GABRA4: variants seen among roughly 807,000 people sequenced by gnomAD.
GABRA4 encodes gamma-aminobutyric acid type A receptor subunit alpha4.
Under a neutral mutation model 49.7 loss-of-function variants are expected in GABRA4, and 12 were observed. That is an observed-to-expected ratio of 0.24 (90% CI 0.15 to 0.39). The LOEUF (loss-of-function observed/expected upper bound fraction) is 0.39, where lower values mean the gene tolerates loss of function less well. Among genes scored for constraint, GABRA4 ranks in the 10% least tolerant of loss-of-function variants. The pLI, the probability that GABRA4 is intolerant of heterozygous loss-of-function variation, is 1.00. For missense variants in GABRA4, 506 were observed against 686.0 expected (o/e 0.74, Z 2.93); for synonymous variants, 288 against 240.2 (o/e 1.20, Z -1.84).
At position 46,993,551 on chromosome 4, in the gene GABRA4, G is replaced by A; in HGVS notation, c.-127C>T. ...CACACTCGCGCTCACACTCGCCCGC[G>A]CTCAGCCAGCCCGAGCCGCGGTGGG... On this transcript the variant is annotated 5_prime_UTR_variant, in exon 1 of 9. Transcript: ENST00000264318. 1.0e-6 allele frequency: 1 copy of A among 992,756 alleles called. No individual in the cohort carries two copies. The highest frequency in any genetic ancestry group is 2.1e-5 in the Admixed American group (1 of 47,912). 61.5% of individuals were successfully genotyped at this position (992,756 alleles called of 1,614,324 possible). A position where few individuals can be genotyped will look rare whatever the true frequency, so the allele number is the denominator to read the frequency against.
intron 8 of GABRA4, among the ~76,000 whole-genome samples, chr4:46,932,084 G>A (rs893266852): frequency 9.9e-5 from 15 of 152,204 alleles, no homozygotes; most frequent in South Asian, 4.1e-4. Context: ...CCAAGGGCTC[G>A]TGAGGGCGGA....
chr4:46,941,508 T>A (rs1721796256), intron 8 of GABRA4, among the ~76,000 whole-genome samples: 1 of 152,118 alleles, frequency 6.6e-6, no homozygotes, highest in Non-Finnish European at 1.5e-5. Context: ...GATCAATATT[T>A]GTTAAATGTT....
chr4:46,933,195 G>A (rs191911917), intron 8 of GABRA4, among the ~76,000 whole-genome samples: 9 of 152,228 alleles, frequency 5.9e-5, no homozygotes, highest in Non-Finnish European at 8.8e-5. Context: ...TATAAAGACT[G>A]TCTTATCAAT....
In GABRA4 at chr4:46,922,105, T is replaced by C. The variant is rs1721054954; in HGVS notation, c.*6120A>G. On this transcript the variant is annotated 3_prime_UTR_variant, in exon 9 of 9. Transcript: ENST00000264318. ...AAGATAAAAATTCTGATAGACTATA[T>C]TTGAGAGTTGTGAACAAGCTTGCTG... 1 of 152,084 alleles carries C rather than the reference T, an allele frequency of 6.6e-6. No individual in the cohort carries two copies. The highest frequency in any genetic ancestry group is 2.1e-4 in the South Asian group (1 of 4,828). The allele number at this position is 152,084 out of a possible 1,614,324, so 9.4% of individuals were successfully genotyped here.
chr4:46,982,609 G>C (rs1723395144), intron 2 of GABRA4, among the ~76,000 whole-genome samples: 3 of 152,026 alleles, frequency 2.0e-5, no homozygotes, highest in Admixed American at 2.0e-4. Context: ...CTTTCCTGGA[G>C]CTTTCTTCTT....
chr4:46,955,074 T>A (rs774132695), intron 8 of GABRA4, among the ~76,000 whole-genome samples: 2 of 152,278 alleles, frequency 1.3e-5, no homozygotes, highest in South Asian at 4.1e-4. Context: ...GACATGCTGC[T>A]CTCTAAATTC....
chr4:46,930,031 C>T (rs551909826), intron 8 of GABRA4, among the ~76,000 whole-genome samples: 2 of 152,096 alleles, frequency 1.3e-5, no homozygotes, highest in East Asian at 3.9e-4. Context: ...ACTCATCTAG[C>T]ATGTTTAAAG....
chr4:46,923,138 T>C lies in GABRA4; in HGVS notation c.*5087A>G, dbSNP rs1721097859. ...GCCAAAACAGTTGGGGACTATTGTA[T>C]AGAGACAAAAGGGATTTGACATAAT... On this transcript the variant is annotated 3_prime_UTR_variant, in exon 9 of 9. Transcript: ENST00000264318. 6.6e-6 allele frequency: 1 copy of C among 151,772 alleles called. No individual in the cohort carries two copies. The highest frequency in any genetic ancestry group is 6.6e-5 in the Admixed American group (1 of 15,212). 9.4% of individuals were successfully genotyped at this position (151,772 alleles called of 1,614,324 possible).
At position 46,920,907 on chromosome 4, in the gene GABRA4, G is replaced by C. The variant is rs145824412; in HGVS notation, c.*7318C>G. 57 of 151,828 alleles carry C rather than the reference G, an allele frequency of 3.8e-4. No homozygotes were observed. Among genetic ancestry groups the C allele is most frequent in the African/African-American group, 1.3e-3 (53 of 41,508 alleles). The allele number at this position is 151,828 out of a possible 1,614,324, so 9.4% of individuals were successfully genotyped here. A position where few individuals can be genotyped will look rare whatever the true frequency, so the allele number is the denominator to read the frequency against. ...GTGTAACATAATCAACTCTGTCATA[G>C]CTTGAGGTATCTGATGACATTTCAA... On this transcript the variant is annotated 3_prime_UTR_variant, in exon 9 of 9. Coordinates refer to ENST00000264318, the MANE Select transcript of GABRA4 (RefSeq NM_000809.4).
intron 8 of GABRA4, among the ~76,000 whole-genome samples, chr4:46,935,418 T>C (rs772335170): frequency 2.0e-5 from 3 of 152,102 alleles, no homozygotes; most frequent in Non-Finnish European, 2.9e-5. Context: ...GAATATTACA[T>C]AGAAAGAACC....
chr4:46,983,156 T>A (rs1268079318), intron 2 of GABRA4, among the ~76,000 whole-genome samples: 2 of 152,032 alleles, frequency 1.3e-5, no homozygotes, highest in Non-Finnish European at 1.5e-5. Flanking sequence ...CTTGTATTGA[T>A]CTCCAAAGCA....
intron 8 of GABRA4, among the ~76,000 whole-genome samples, chr4:46,942,534 A>G (rs1364563301): frequency 6.6e-6 from 1 of 151,742 alleles, no homozygotes; most frequent in African/African-American, 2.4e-5. Flanking sequence ...CTGAGGCATG[A>G]GAATTGCTTG....
chr4:46,977,374 TA>T (rs774846501), intron 4 of GABRA4, 35 bp downstream of exon 4: 3 of 1,165,942 alleles, frequency 2.6e-6, no homozygotes, highest in Admixed American at 4.5e-5. Flanking sequence ...AAGAAAAGAA[TA>T]AAAAAGGAAG....
rs1201725055 is a variant in GABRA4, at chr4:46,921,616, A to G, written c.*6609T>C. 1.3e-5 allele frequency: 2 copies of G among 152,104 alleles called. No individual in the cohort carries two copies. Among genetic ancestry groups the G allele is most frequent in the East Asian group, 1.9e-4 (1 of 5,194 alleles). 9.4% of individuals were successfully genotyped at this position (152,104 alleles called of 1,614,324 possible). On this transcript the variant is annotated 3_prime_UTR_variant, in exon 9 of 9. Coordinates refer to ENST00000264318, the MANE Select transcript of GABRA4 (RefSeq NM_000809.4). Reference sequence around the variant, plus strand: ...GATTCCAGTGACATCTGATATACAGAAGGTAAAAGCCATGTAGCTCTGGTG... The same window carrying G: ...GATTCCAGTGACATCTGATATACAGGAGGTAAAAGCCATGTAGCTCTGGTG...
At chr4:46,946,233 T>C (rs941782727) in intron 8 of GABRA4, among the ~76,000 whole-genome samples, 3 of 152,150 alleles carry the variant, frequency 2.0e-5, no homozygotes, top group Admixed American at 6.6e-5. Flanking sequence ...TGATACTTCT[T>C]TGAATTTCAT....
At chr4:46,978,488 G>C (rs1723225530) in intron 3 of GABRA4, among the ~76,000 whole-genome samples, 1 of 151,426 alleles carries the variant, frequency 6.6e-6, no homozygotes, top group South Asian at 2.1e-4. Flanking sequence ...AGGAGTTCGA[G>C]ACCAGCCTGA....
In GABRA4 at chr4:46,993,522, T is replaced by A; in HGVS notation, c.-98A>T. 2 of 1,297,702 alleles carry A rather than the reference T, an allele frequency of 1.5e-6. No homozygotes were observed. Among genetic ancestry groups the A allele is most frequent in the Non-Finnish European group, 2.2e-6 (2 of 910,410 alleles). The allele number at this position is 1,297,702 out of a possible 1,614,324, so 80.4% of individuals were successfully genotyped here. A position where few individuals can be genotyped will look rare whatever the true frequency, so the allele number is the denominator to read the frequency against. On this transcript the variant is annotated 5_prime_UTR_variant, in exon 1 of 9. Transcript: ENST00000264318. ...AGAGGGCAGAGAGGCTCCCGCGGCG[T>A]GCGCACACTCGCGCTCACACTCGCC...
At chr4:46,930,035 T>A (rs943364077) in intron 8 of GABRA4, among the ~76,000 whole-genome samples, 1 of 152,112 alleles carries the variant, frequency 6.6e-6, no homozygotes, top group African/African-American at 2.4e-5. Flanking sequence ...ATCTAGCATG[T>A]TTAAAGTTCA....
chr4:46,962,219 CA>C (rs1210729597), intron 8 of GABRA4, among the ~76,000 whole-genome samples: 1 of 151,722 alleles, frequency 6.6e-6, no homozygotes, highest in African/African-American at 2.4e-5. Flanking sequence ...TTAAAGACTC[CA>C]CAAGAAAACT....
Sources: gnomAD v4.1 joint callset for allele counts (sites outside exome capture counted in the v4.1 genomes callset) on GRCh38, gnomAD v4.1.1 for gene constraint, MANE v1.5 for transcripts, NCBI Gene and HGNC (gene_info 2026-07-23, HGNC 2026-07-21) for gene names.